Variants in PRKD1 observed in about 807,000 individuals in gnomAD.
PRKD1 encodes serine/threonine-protein kinase D1.
A neutral mutation model predicts 95.9 loss-of-function variants in PRKD1; 63 were observed. The ratio of observed to expected loss-of-function variants is 0.66; its 90% confidence interval spans 0.54 to 0.81. The LOEUF is 0.81. PRKD1 is among the 30% of genes least tolerant of loss of function. The pLI is 0.00. For synonymous variants in PRKD1, 425 were observed against 423.1 expected (o/e 1.00, Z -0.05); for missense variants, 1,048 against 1,165.3 (o/e 0.90, Z 1.47).
At chr14:29,810,971 T>C (rs1404508968) in intron 1 of PRKD1, among the ~76,000 whole-genome samples, 3 of 152,222 alleles carry the variant, frequency 2.0e-5, no homozygotes, top group Non-Finnish European at 4.4e-5. Flanking sequence ...CCACACAGTC[T>C]CACTGAATAT....
At chr14:29,745,696 C>A (rs1040869681) in intron 1 of PRKD1, among the ~76,000 whole-genome samples, 1 of 151,868 alleles carries the variant, frequency 6.6e-6, no homozygotes, top group Non-Finnish European at 1.5e-5. Flanking sequence ...AGGCTGGTCT[C>A]AAACATCTGG....
At chr14:29,861,168 T>C (rs1388075528) in intron 1 of PRKD1, among the ~76,000 whole-genome samples, 1 of 152,004 alleles carries the variant, frequency 6.6e-6, no homozygotes, top group Non-Finnish European at 1.5e-5. Flanking sequence ...CCTCTTAAAC[T>C]GAATATAACT....
At chr14:29,922,105 T>A (rs921263307) in intron 1 of PRKD1, among the ~76,000 whole-genome samples, 1 of 151,756 alleles carries the variant, frequency 6.6e-6, no homozygotes, top group Non-Finnish European at 1.5e-5. Context: ...ATCGAGACCA[T>A]CCTGGATAAC....
chr14:29,648,473 C>T (rs1399895422), intron 4 of PRKD1, among the ~76,000 whole-genome samples: 2 of 152,030 alleles, frequency 1.3e-5, no homozygotes, highest in African/African-American at 4.8e-5. Flanking sequence ...AACTATAAAG[C>T]TTTTTATTAG....
chr14:29,812,802 T>A (rs531490824), intron 1 of PRKD1, among the ~76,000 whole-genome samples: 19 of 152,312 alleles, frequency 1.2e-4, no homozygotes, highest in African/African-American at 4.6e-4. Flanking sequence ...ATCAGTTATA[T>A]TTTTTGTTAA....
chr14:29,830,843 CCA>C (rs1354145244), intron 1 of PRKD1, among the ~76,000 whole-genome samples: 1 of 151,972 alleles, frequency 6.6e-6, no homozygotes, highest in Non-Finnish European at 1.5e-5. Flanking sequence ...CATGCAAGTG[CCA>C]CCACGCCCAA....
At chr14:29,639,582 G>A (rs959585825) in intron 4 of PRKD1, among the ~76,000 whole-genome samples, 1 of 151,266 alleles carries the variant, frequency 6.6e-6, no homozygotes, top group Non-Finnish European at 1.5e-5. Flanking sequence ...TCGTGCCACT[G>A]CACTACAGCC....
intron 1 of PRKD1, among the ~76,000 whole-genome samples, chr14:29,785,769 G>A (rs1017075497): frequency 3.3e-5 from 5 of 151,112 alleles, no homozygotes; most frequent in African/African-American, 7.3e-5. Context: ...ACATGTATAC[G>A]TATGTAACTA....
intron 2 of PRKD1, among the ~76,000 whole-genome samples, chr14:29,701,727 T>C: frequency 6.6e-6 from 1 of 152,206 alleles, no homozygotes; most frequent in East Asian, 1.9e-4. Context: ...ATTGAACTTT[T>C]TAGTCTTTTT....
At chr14:29,676,467 G>A (rs1442587311) in intron 2 of PRKD1, among the ~76,000 whole-genome samples, 5 of 152,148 alleles carry the variant, frequency 3.3e-5, no homozygotes, top group Admixed American at 1.3e-4. Context: ...CGATTCTCCC[G>A]CCTCAGCGTC....
intron 1 of PRKD1, among the ~76,000 whole-genome samples, chr14:29,772,343 C>T (rs1446533236): frequency 6.6e-6 from 1 of 152,054 alleles, no homozygotes; most frequent in Admixed American, 6.5e-5. Flanking sequence ...GTCATCCCTC[C>T]CACCAAGTGA....
intron 12 of PRKD1, among the ~76,000 whole-genome samples, chr14:29,626,235 G>C (rs1879612100): frequency 6.6e-6 from 1 of 152,074 alleles, no homozygotes; most frequent in African/African-American, 2.4e-5. Context: ...TGTGTGTACA[G>C]TTTGCCTATA....
chr14:29,581,945 C>T (rs931405139), intron 16 of PRKD1, among the ~76,000 whole-genome samples: 3 of 152,132 alleles, frequency 2.0e-5, no homozygotes, highest in Non-Finnish European at 2.9e-5. Context: ...TTGAGCAAGT[C>T]TTAAAAGCAG....
chr14:29,704,468 G>T (rs1884983662), intron 2 of PRKD1, among the ~76,000 whole-genome samples: 1 of 151,870 alleles, frequency 6.6e-6, no homozygotes, highest in African/African-American at 2.4e-5. Flanking sequence ...TGAATGACAA[G>T]AAATTTATTT....
intron 16 of PRKD1, chr14:29,594,139 A>G (rs998452502): frequency 2.2e-6 from 1 of 455,088 alleles, no homozygotes; most frequent in African/African-American, 2.0e-5. Flanking sequence ...GCACCCCAAG[A>G]TATAGGTATT....
intron 1 of PRKD1, among the ~76,000 whole-genome samples, chr14:29,855,867 C>T (rs1355974878): frequency 7.2e-5 from 11 of 152,166 alleles, no homozygotes; most frequent in Non-Finnish European, 1.2e-4. Context: ...CCATGTAAGA[C>T]GTGACTTGTT....
chr14:29,876,451 T>C (rs990235128), intron 1 of PRKD1, among the ~76,000 whole-genome samples: 1 of 152,222 alleles, frequency 6.6e-6, no homozygotes, highest in Non-Finnish European at 1.5e-5. Context: ...TCTATGCAAG[T>C]GTTAAAATCC....
intron 1 of PRKD1, among the ~76,000 whole-genome samples, chr14:29,760,864 TA>T (rs1437730186): frequency 1.3e-5 from 2 of 152,216 alleles, no homozygotes; most frequent in East Asian, 3.8e-4. Flanking sequence ...AGTTATATAA[TA>T]AAAGTTTATC....
chr14:29,725,515 A>G (rs1004630690), intron 2 of PRKD1, 21 bp downstream of exon 2: 2 of 1,600,200 alleles, frequency 1.2e-6, no homozygotes, highest in Non-Finnish European at 1.7e-6. Flanking sequence ...CGGATAAAGA[A>G]AAGGTATAAA....
Sources: allele counts gnomAD v4.1 joint callset (sites outside exome capture counted in the v4.1 genomes callset), GRCh38; gene constraint gnomAD v4.1.1; transcripts MANE v1.5; gene names NCBI Gene and HGNC (gene_info 2026-07-23, HGNC 2026-07-21).